The following WIF1 variants were observed in gnomAD, a reference collection of about 807,000 sequenced individuals.
WIF1 encodes the protein Wnt inhibitory factor 1.
Under a neutral mutation model 53.5 loss-of-function variants are expected in WIF1, and 35 were observed. That is an observed-to-expected ratio of 0.65 (90% CI 0.50 to 0.87). The LOEUF (loss-of-function observed/expected upper bound fraction) is 0.87. Among genes scored for constraint, WIF1 ranks in the 40% least tolerant of loss-of-function variants. WIF1 has a pLI of 0.00. For missense variants in WIF1, 467 were observed against 476.8 expected (o/e 0.98, Z 0.19); for synonymous variants, 171 against 170.4 (o/e 1.00, Z -0.03).
At chr12:65,116,907 T>C (rs1883519774) in intron 2 of WIF1, among the ~76,000 whole-genome samples, 1 of 115,136 alleles carries the variant, frequency 8.7e-6, no homozygotes, top group East Asian at 2.9e-4. Flanking sequence ...CACTCCAGCC[T>C]GGGCGACAGA....
rs947542123 is a variant in WIF1 at position 65,063,254 on chromosome 12, G to A, written c.731-678C>T. ...ATTATCCAGGTAGTAATCACACTTC[G>A]TGATTCATCCTAAACCCTCTCTCAC... On this transcript the variant is annotated intron_variant, in intron 6 of 9. Transcript: ENST00000286574. Among the ~76,000 whole-genome samples the A allele has an allele frequency of 5.8e-5, 8 of 137,984 alleles. No homozygotes were observed. In the East Asian group the frequency reaches 1.3e-3, roughly 23 times the overall value. 90.5% of individuals were successfully genotyped at this position (137,984 alleles called of 152,430 possible). A position where few individuals can be genotyped will look rare whatever the true frequency, so the allele number is the denominator to read the frequency against.
intron 2 of WIF1, among the ~76,000 whole-genome samples, chr12:65,101,199 T>C (rs1172494103): frequency 2.0e-5 from 3 of 152,160 alleles, no homozygotes; most frequent in African/African-American, 7.2e-5. Context: ...ATGTTCTTGG[T>C]GAGTAAAAAG....
In WIF1 at chr12:65,050,645, C is replaced by T. The variant is rs1476720509; in HGVS notation, c.*704G>A. The T allele has an allele frequency of 2.3e-5, 4 of 177,612 alleles. No homozygotes were observed. The highest frequency in any genetic ancestry group is 2.4e-5 in the Non-Finnish European group (2 of 82,576). The allele number at this position is 177,612 out of a possible 1,614,324, so 11.0% of individuals were successfully genotyped here. On this transcript the variant is annotated 3_prime_UTR_variant, in exon 10 of 10. Transcript: ENST00000286574. ...CAATGCTCAGAAAACTAAAGCAGCA[C>T]CTTTATTTTATACATACAAACAGTA...
At chr12:65,120,625 C>T (rs1409028181) in intron 1 of WIF1, 69 bp from the exon 2 acceptor site, 12 of 1,542,610 alleles carry the variant, frequency 7.8e-6, no homozygotes, top group Non-Finnish European at 1.0e-5. Context: ...AAGTTTCAAG[C>T]AAAAAGAAAA....
At chr12:65,091,115 A>G (rs922085275) in intron 2 of WIF1, among the ~76,000 whole-genome samples, 5 of 152,076 alleles carry the variant, frequency 3.3e-5, no homozygotes, top group African/African-American at 9.7e-5. Flanking sequence ...GTCTTATCAA[A>G]CTATTAATTT....
chr12:65,055,106 T>C lies in WIF1; in HGVS notation c.1018+12A>G, dbSNP rs771829452. 1 of 1,610,666 alleles carries C rather than the reference T, an allele frequency of 6.2e-7. No homozygotes were observed. The highest frequency in any genetic ancestry group is 8.5e-7 in the Non-Finnish European group (1 of 1,179,156). The stretch of plus-strand genomic sequence containing the variant: ...TTTTCCTTGTTTACAACTTTTTATT[T>C]CTCCCACTCACTTTTATTGCAGTGT... On this transcript the variant is annotated intron_variant, in intron 9 of 9. Transcript: ENST00000286574.
intron 6 of WIF1, among the ~76,000 whole-genome samples, chr12:65,064,924 C>T (rs1882665974): frequency 6.6e-6 from 1 of 152,044 alleles, no homozygotes; most frequent in Admixed American, 6.6e-5. Flanking sequence ...GGAGGATTTG[C>T]TTTATTTATT....
At chr12:65,066,784 C>T in intron 5 of WIF1, 48 bp from the exon 6 acceptor site, 1 of 1,424,210 alleles carries the variant, frequency 7.0e-7, no homozygotes, top group African/African-American at 1.4e-5. Flanking sequence ...TATTTTGGAG[C>T]AGGACCATTT....
chr12:65,070,409 A>G (rs2136617019), intron 3 of WIF1, among the ~76,000 whole-genome samples: 1 of 152,342 alleles, frequency 6.6e-6, no homozygotes, highest in South Asian at 2.1e-4. Flanking sequence ...GAAATCTCAT[A>G]TATAAAAATG....
chr12:65,052,193 A>G (rs921031941), intron 9 of WIF1, among the ~76,000 whole-genome samples: 2 of 152,354 alleles, frequency 1.3e-5, no homozygotes, highest in African/African-American at 4.8e-5. Context: ...TTACATTGTA[A>G]AAATCTGCCT....
intron 9 of WIF1, among the ~76,000 whole-genome samples, chr12:65,053,412 T>C (rs1379624191): frequency 6.6e-6 from 1 of 152,206 alleles, no homozygotes; most frequent in African/African-American, 2.4e-5. Context: ...TGGAGGTAAT[T>C]GAATCATGGG....
chr12:65,057,764 C>G (rs916029274), intron 7 of WIF1, among the ~76,000 whole-genome samples: 1 of 152,166 alleles, frequency 6.6e-6, no homozygotes, highest in Non-Finnish European at 1.5e-5. Flanking sequence ...CCAAAGAAAG[C>G]TGCGAAAGAA....
At chr12:65,102,762 T>C (rs897449619) in intron 2 of WIF1, among the ~76,000 whole-genome samples, 1 of 152,136 alleles carries the variant, frequency 6.6e-6, no homozygotes, top group Non-Finnish European at 1.5e-5. Flanking sequence ...GCACCCTGAG[T>C]CCTTGCTTGC....
At chr12:65,073,643 G>A (rs780613309) in intron 3 of WIF1, among the ~76,000 whole-genome samples, 2 of 152,060 alleles carry the variant, frequency 1.3e-5, no homozygotes, top group African/African-American at 4.8e-5. Flanking sequence ...TAGCAGCTTG[G>A]GGGTATAAAA....
At chr12:65,072,243 C>T (rs954496728) in intron 3 of WIF1, among the ~76,000 whole-genome samples, 2 of 152,126 alleles carry the variant, frequency 1.3e-5, no homozygotes, top group African/African-American at 4.8e-5. Flanking sequence ...TTACTGCACA[C>T]CCAGGTGCTT....
intron 2 of WIF1, among the ~76,000 whole-genome samples, chr12:65,114,180 T>TA: frequency 6.6e-6 from 1 of 151,974 alleles, no homozygotes; most frequent in East Asian, 1.9e-4. Flanking sequence ...TTTTTTATTT[T>TA]TTTTTGGTTT....
intron 2 of WIF1, among the ~76,000 whole-genome samples, chr12:65,094,366 A>G (rs1226802260): frequency 6.6e-6 from 1 of 152,238 alleles, no homozygotes; most frequent in Non-Finnish European, 1.5e-5. Context: ...AAGTGAAAAT[A>G]TATTCATTTA....
chr12:65,064,177 C>T (rs1423539445), intron 6 of WIF1, among the ~76,000 whole-genome samples: 1 of 152,232 alleles, frequency 6.6e-6, no homozygotes, highest in African/African-American at 2.4e-5. Context: ...GCCCCGTGGG[C>T]ACTGCCCAAT....
chr12:65,121,046 A>T lies in WIF1; in HGVS notation c.146T>A (p.Ile49Lys). ...GGCGCTGGAGGCGGGGGCCTTACCT[A>T]TGAGTACTCTTGCCTGGTGAGCATC... ...WIDAHQARVL[I>K]GFEEDILIVS... The change falls in exon 1 of 10, where the codon ATA (isoleucine) becomes AAA (lysine). Residue 49 changes from isoleucine to lysine, a missense_variant and splice_region_variant. Physicochemically the swap from Ile to Lys is moderately radical, Grantham distance 102. Coordinates refer to ENST00000286574, the MANE Select transcript of WIF1 (RefSeq NM_007191.5). The T allele has an allele frequency of 6.7e-7, 1 of 1,500,308 alleles. No homozygotes were observed. Among genetic ancestry groups the T allele is most frequent in the Non-Finnish European group, 8.9e-7 (1 of 1,117,528 alleles). The allele number at this position is 1,500,308 out of a possible 1,614,324, so 92.9% of individuals were successfully genotyped here. A position where few individuals can be genotyped will look rare whatever the true frequency, so the allele number is the denominator to read the frequency against.
Sources: gnomAD v4.1 joint callset for allele counts (sites outside exome capture counted in the v4.1 genomes callset) on GRCh38, gnomAD v4.1.1 for gene constraint, MANE v1.5 for transcripts, NCBI Gene and HGNC (gene_info 2026-07-23, HGNC 2026-07-21) for gene names.